The following MAP2K5 variants were observed in gnomAD, a reference collection of about 807,000 sequenced individuals.
MAP2K5 encodes mitogen-activated protein kinase kinase 5.
Under a neutral mutation model 83.1 loss-of-function variants are expected in MAP2K5, and 49 were observed. The ratio of observed to expected loss-of-function variants is 0.59; its 90% confidence interval spans 0.47 to 0.75. The LOEUF (loss-of-function observed/expected upper bound fraction) is 0.75, where lower values mean the gene tolerates loss of function less well. Ranked by LOEUF, MAP2K5 falls within the 30% of genes least tolerant of loss-of-function variation. MAP2K5 has a pLI of 0.00. For missense variants in MAP2K5, 457 were observed against 557.5 expected (o/e 0.82, Z 1.82); for synonymous variants, 202 against 191.8 (o/e 1.05, Z -0.44).
In MAP2K5 at chr15:67,559,630, A is replaced by AT. The variant is rs762735584; in HGVS notation, c.185-3647dup. On this transcript the variant is annotated intron_variant, in intron 2 of 21. Coordinates refer to ENST00000178640, the MANE Select transcript of MAP2K5 (RefSeq NM_145160.3). This position sits in a 1 kb window ranked among gnomAD's most constrained non-coding sequence, Gnocchi z 4.7. ...GCACTCTATTTGGTATCTTGCTAGG[A>AT]TTTTTTCCTCCATTTTAAGTGACAT... Among the ~76,000 whole-genome samples the AT allele has an allele frequency of 5.3e-5, 8 of 152,072 alleles. No individual in the cohort carries two copies. Among genetic ancestry groups the AT allele is most frequent in the East Asian group, 1.9e-4 (1 of 5,180 alleles).
intron 19 of MAP2K5, among the ~76,000 whole-genome samples, chr15:67,752,241 A>G (rs1331741698): frequency 1.3e-5 from 2 of 151,752 alleles, no homozygotes; most frequent in African/African-American, 2.4e-5. Context: ...AATTTTTTGT[A>G]TTATTAGTAG....
At position 67,638,525 on chromosome 15, in the gene MAP2K5, A is replaced by G. The variant is rs948494622; in HGVS notation, c.585+7598A>G. Among the ~76,000 whole-genome samples the G allele has an allele frequency of 2.6e-5, 4 of 152,194 alleles. No individual in the cohort carries two copies. The highest frequency in any genetic ancestry group is 6.5e-5 in the Admixed American group (1 of 15,284). On this transcript the variant is annotated intron_variant, in intron 9 of 21. Transcript: ENST00000178640. This position sits in a 1 kb window ranked among gnomAD's most constrained non-coding sequence, Gnocchi z 4.5. ...CTTTGCTATTGCGAATAGTGCTGCA[A>G]TGACCATTTGCATGCGTGTGTCTTT... is the stretch of plus-strand genomic sequence containing the variant.
At chr15:67,681,878 T>G (rs191125208) in intron 13 of MAP2K5, among the ~76,000 whole-genome samples, 1 of 152,222 alleles carries the variant, frequency 6.6e-6, no homozygotes, top group Non-Finnish European at 1.5e-5. Context: ...TCAATAAAAC[T>G]AATTGATAAA....
rs1269627517 is a variant in MAP2K5, at chr15:67,559,939, A to C, written c.185-3344A>C. On this transcript the variant is annotated intron_variant, in intron 2 of 21. Coordinates refer to ENST00000178640, the MANE Select transcript of MAP2K5 (RefSeq NM_145160.3). The surrounding 1 kb of genome is among the most constrained non-coding windows in gnomAD (Gnocchi z 4.7). ...CTACTTTCTAGTGTTGTTCTCTAAC[A>C]TATTTGTACCTCTGAAACTTTGTGG... 6.6e-6 allele frequency among the ~76,000 whole-genome samples: 1 copy of C among 152,188 alleles called. No individual in the cohort carries two copies. The highest frequency in any genetic ancestry group is 2.4e-5 in the African/African-American group (1 of 41,448).
At chr15:67,629,232 G>A (rs927370679) in intron 8 of MAP2K5, 4 of 624,474 alleles carry the variant, frequency 6.4e-6, no homozygotes, top group African/African-American at 1.8e-5. Flanking sequence ...GCCAAGCACG[G>A]TGGTGGCAGG....
intron 12 of MAP2K5, among the ~76,000 whole-genome samples, chr15:67,664,383 C>G (rs1190131534): frequency 6.9e-6 from 1 of 144,142 alleles, no homozygotes. Flanking sequence ...CACCTGTGGT[C>G]CCAGCTACTC....
At position 67,555,701 on chromosome 15, in the gene MAP2K5, A is replaced by T. The variant is rs1223472086; in HGVS notation, c.184+5619A>T. On this transcript the variant is annotated intron_variant, in intron 2 of 21. Coordinates refer to ENST00000178640, the MANE Select transcript of MAP2K5 (RefSeq NM_145160.3). This position sits in a 1 kb window ranked among gnomAD's most constrained non-coding sequence, Gnocchi z 5.2. The stretch of plus-strand genomic sequence containing the variant: ...TGTCAGTTTGATAGGTGAAAATATT[A>T]CTGTGTTACTGTTTTATTTTATATT... Among the ~76,000 whole-genome samples the T allele has an allele frequency of 1.3e-5, 2 of 152,126 alleles. No homozygotes were observed. Among genetic ancestry groups the T allele is most frequent in the Non-Finnish European group, 2.9e-5 (2 of 68,022 alleles).
chr15:67,763,638 T>C (rs960379466), intron 19 of MAP2K5, among the ~76,000 whole-genome samples: 2 of 151,328 alleles, frequency 1.3e-5, no homozygotes, highest in Non-Finnish European at 2.9e-5. Context: ...TTCATTTTTT[T>C]GTTTTTTAGA....
intron 21 of MAP2K5, among the ~76,000 whole-genome samples, 153 bp downstream of exon 21, chr15:67,772,905 A>G (rs551360112): frequency 6.6e-6 from 1 of 152,342 alleles, no homozygotes; most frequent in Non-Finnish European, 1.5e-5. Flanking sequence ...TGAAGCTCAT[A>G]TCCTCAGATA....
intron 8 of MAP2K5, among the ~76,000 whole-genome samples, chr15:67,604,819 C>T (rs1217892543): frequency 4.0e-5 from 6 of 151,534 alleles, no homozygotes; most frequent in African/African-American, 7.3e-5. Flanking sequence ...AGCTTGAACC[C>T]GGGAGGTGGA....
intron 13 of MAP2K5, among the ~76,000 whole-genome samples, chr15:67,689,430 C>A (rs2088042134): frequency 6.6e-6 from 1 of 152,044 alleles, no homozygotes; most frequent in African/African-American, 2.4e-5. Flanking sequence ...GGTTTCTAAA[C>A]CTGGGGGTGG....
At chr15:67,608,407 C>T (rs972608487) in intron 8 of MAP2K5, among the ~76,000 whole-genome samples, 2 of 152,138 alleles carry the variant, frequency 1.3e-5, no homozygotes, top group Non-Finnish European at 2.9e-5. Flanking sequence ...GTGTGGAGGG[C>T]GTGTCAGATG....
intron 17 of MAP2K5, among the ~76,000 whole-genome samples, chr15:67,741,465 G>A (rs1392442845): frequency 6.6e-6 from 1 of 152,204 alleles, no homozygotes; most frequent in African/African-American, 2.4e-5. Context: ...CTTCCTGTCT[G>A]AGAGGGGAAC....
chr15:67,612,417 T>C (rs2085946581), intron 8 of MAP2K5, among the ~76,000 whole-genome samples: 2 of 152,140 alleles, frequency 1.3e-5, no homozygotes, highest in East Asian at 3.8e-4. Context: ...ATAAAGAACA[T>C]TGGTGGAATT....
At position 67,559,947 on chromosome 15, in the gene MAP2K5, A is replaced by G. The variant is rs1335721711; in HGVS notation, c.185-3336A>G. 2.0e-5 allele frequency among the ~76,000 whole-genome samples: 3 copies of G among 152,220 alleles called. No homozygotes were observed. The highest frequency in any genetic ancestry group is 4.4e-5 in the Non-Finnish European group (3 of 68,036). On this transcript the variant is annotated intron_variant, in intron 2 of 21. Coordinates refer to ENST00000178640, the MANE Select transcript of MAP2K5 (RefSeq NM_145160.3). The surrounding 1 kb of genome is among the most constrained non-coding windows in gnomAD (Gnocchi z 4.7). ...TAGTGTTGTTCTCTAACATATTTGT[A>G]CCTCTGAAACTTTGTGGCAGTTTAG... is the stretch of plus-strand genomic sequence containing the variant.
chr15:67,803,142 C>G (rs2090736476), intron 21 of MAP2K5, among the ~76,000 whole-genome samples: 1 of 152,204 alleles, frequency 6.6e-6, no homozygotes, highest in African/African-American at 2.4e-5. Flanking sequence ...TTGGCAAATG[C>G]CTAGCACACA....
In MAP2K5 at chr15:67,779,818, G is replaced by C. The variant is rs193060193; in HGVS notation, c.1242+7066G>C. On this transcript the variant is annotated intron_variant, in intron 21 of 21. Coordinates refer to ENST00000178640, the MANE Select transcript of MAP2K5 (RefSeq NM_145160.3). The surrounding 1 kb of genome is among the most constrained non-coding windows in gnomAD (Gnocchi z 4.6). ...GAAGAGTTTGGTTATCTTGGATGCA[G>C]TAAAGTGGATCAGTTGGGCTGCTCT... Among the ~76,000 whole-genome samples, 3 of 152,242 alleles carry C rather than the reference G, an allele frequency of 2.0e-5. No homozygotes were observed. The highest frequency in any genetic ancestry group is 4.4e-5 in the Non-Finnish European group (3 of 68,044).
intron 3 of MAP2K5, among the ~76,000 whole-genome samples, chr15:67,578,225 T>G (rs1466741692): frequency 6.6e-6 from 1 of 152,172 alleles, no homozygotes; most frequent in South Asian, 2.1e-4. Flanking sequence ...TGTGCCTTGC[T>G]CATCTCACTG....
chr15:67,752,248 G>A (rs943309606), intron 19 of MAP2K5, among the ~76,000 whole-genome samples: 2 of 151,802 alleles, frequency 1.3e-5, no homozygotes, highest in African/African-American at 4.8e-5. Context: ...TGTATTATTA[G>A]TAGAGACAGG....
Sources: allele counts gnomAD v4.1 joint callset (sites outside exome capture counted in the v4.1 genomes callset), GRCh38; gene constraint gnomAD v4.1.1; non-coding constraint Gnocchi (gnomAD v3.1); transcripts MANE v1.5; gene names NCBI Gene and HGNC (gene_info 2026-07-23, HGNC 2026-07-21).